The following UPF2 variants were observed in gnomAD, a reference collection of about 807,000 sequenced individuals.
UPF2 encodes the protein UPF2 regulator of nonsense mediated mRNA decay.
In UPF2, 17 loss-of-function variants were observed where a neutral mutation model predicts 141.4. The observed-to-expected ratio is 0.12, with a 90% CI of 0.08 to 0.18. UPF2 has a LOEUF of 0.18. Among genes scored for constraint, UPF2 ranks in the 10% least tolerant of loss-of-function variants. UPF2 has a pLI of 1.00. For missense variants in UPF2, 1,152 were observed against 1,515.9 expected (o/e 0.76, Z 3.99); for synonymous variants, 540 against 498.0 (o/e 1.08, Z -1.12).
In UPF2 at chr10:11,959,402, T is replaced by C. The variant is rs368607103; in HGVS notation, c.2185-46A>G. 6.8e-5 allele frequency: 103 copies of C among 1,511,000 alleles called. No homozygotes were observed. The African/African-American group carries it at 1.2e-3, about 18-fold the overall frequency. 93.6% of individuals were successfully genotyped at this position (1,511,000 alleles called of 1,614,324 possible). Reference sequence around the variant, plus strand: ...TAATCAAAACACGTTCCTTCTAAGATTCCTTTACTCCTAACTAAACTTCTA... The same window carrying C: ...TAATCAAAACACGTTCCTTCTAAGACTCCTTTACTCCTAACTAAACTTCTA... On this transcript the variant is annotated intron_variant, in intron 11 of 21. Transcript: ENST00000357604. This position sits in a 1 kb window ranked among gnomAD's most constrained non-coding sequence, Gnocchi z 5.9.
At chr10:11,976,205 T>G (rs1044949119) in intron 9 of UPF2, among the ~76,000 whole-genome samples, 3 of 152,238 alleles carry the variant, frequency 2.0e-5, no homozygotes, top group African/African-American at 7.2e-5. Flanking sequence ...CTGCTTTATT[T>G]CTCAGCTGAG....
At chr10:11,938,853 G>GTTTTTGTTTTTTTT (rs1832889893) in intron 18 of UPF2, among the ~76,000 whole-genome samples, 1 of 79,816 alleles carries the variant, frequency 1.3e-5, no homozygotes, top group African/African-American at 5.0e-5. Context: ...TTTTTTTTTT[G>GTTTTTGTTTTTTTT]TTTTTTTTTT....
intron 9 of UPF2, among the ~76,000 whole-genome samples, chr10:11,975,682 TG>T (rs1383591297): frequency 6.6e-6 from 1 of 151,376 alleles, no homozygotes; most frequent in Non-Finnish European, 1.5e-5. Flanking sequence ...CTAATTTTGT[TG>T]TTTTTTTTTT....
rs945018077 is a variant in UPF2 at position 11,959,103 on chromosome 10, T to G, written c.2370+68A>C. The G allele has an allele frequency of 1.4e-6, 2 of 1,457,120 alleles. No homozygotes were observed. Among genetic ancestry groups the G allele is most frequent in the African/African-American group, 2.8e-5 (2 of 70,260 alleles). The allele number at this position is 1,457,120 out of a possible 1,614,324, so 90.3% of individuals were successfully genotyped here. On this transcript the variant is annotated intron_variant, in intron 12 of 21. Transcript: ENST00000357604. The surrounding 1 kb of genome is among the most constrained non-coding windows in gnomAD (Gnocchi z 5.9). ...AGCTCTACCCCCACTTCTCCTAGAC[T>G]CTACATAAGCTTAGCACTACCACAA...
In UPF2 at chr10:11,931,467, T is replaced by C. The variant is rs75851416; in HGVS notation, c.3688+174A>G. On this transcript the variant is annotated intron_variant, in intron 20 of 21. Transcript: ENST00000357604. The surrounding 1 kb of genome is among the most constrained non-coding windows in gnomAD (Gnocchi z 5.9). ...CTAATTTAATTAGAGCAAAATATGG[T>C]GAAAATTATATTATTGTTATTTTAC... Among the ~76,000 whole-genome samples the C allele has an allele frequency of 0.068, 10,389 of 152,034 alleles. 582 individuals carry two copies. The highest frequency in any genetic ancestry group is 0.25 in the East Asian group (1,287 of 5,184).
At chr10:12,012,850 A>C (rs1325331876) in intron 4 of UPF2, among the ~76,000 whole-genome samples, 1 of 151,704 alleles carries the variant, frequency 6.6e-6, no homozygotes, top group Non-Finnish European at 1.5e-5. Context: ...TGAGATATTG[A>C]ATAAGAGCCT....
At chr10:11,977,374 C>G (rs181620322) in intron 9 of UPF2, among the ~76,000 whole-genome samples, 1 of 152,082 alleles carries the variant, frequency 6.6e-6, no homozygotes, top group South Asian at 2.1e-4. Context: ...TTCTCTCCTT[C>G]GAGAGCACTG....
intron 9 of UPF2, among the ~76,000 whole-genome samples, chr10:11,973,266 T>C (rs1166312571): frequency 6.6e-6 from 1 of 152,236 alleles, no homozygotes; most frequent in African/African-American, 2.4e-5. Flanking sequence ...TTAAGTTCTT[T>C]GTAGATTCTG....
At chr10:12,028,344 T>C (rs971203256) in intron 3 of UPF2, among the ~76,000 whole-genome samples, 2 of 152,110 alleles carry the variant, frequency 1.3e-5, no homozygotes, top group African/African-American at 4.8e-5. Context: ...AACAGTGACA[T>C]AAAGAACTTA....
intron 4 of UPF2, among the ~76,000 whole-genome samples, chr10:12,012,266 T>A (rs1014528807): frequency 3.2e-3 from 1 of 308 alleles, no homozygotes; most frequent in African/African-American, 3.8e-3. Context: ...TTTCACCATG[T>A]TGCGCCAAGC....
intron 4 of UPF2, among the ~76,000 whole-genome samples, chr10:12,005,767 C>T (rs979374588): frequency 4.6e-5 from 7 of 152,024 alleles, no homozygotes; most frequent in Non-Finnish European, 8.8e-5. Context: ...GATGGGGTTT[C>T]GCCATGTTGG....
intron 13 of UPF2, among the ~76,000 whole-genome samples, chr10:11,955,987 CA>C (rs1391992991): frequency 1.3e-5 from 2 of 151,902 alleles, no homozygotes; most frequent in Admixed American, 6.6e-5. Flanking sequence ...ACTAAAAATA[CA>C]AAAAAATTAG....
At chr10:12,036,694 G>A (rs569529935) in intron 1 of UPF2, among the ~76,000 whole-genome samples, 69 of 152,298 alleles carry the variant, frequency 4.5e-4, no homozygotes, top group South Asian at 6.2e-4. Flanking sequence ...GGTGTTTCAC[G>A]TTTTAACTCC....
At position 11,929,973 on chromosome 10, in the gene UPF2, G is replaced by C. The variant is rs757000529; in HGVS notation, c.3701C>G (p.Ser1234Cys). Residue 1234 changes from serine (S) to cysteine (C), a missense_variant, in exon 21 of 22, where the codon TCT becomes TGT. Around this residue, in one of 4 missense-constraint regions of UPF2, gnomAD observed 66 missense variants for 123.5 expected, o/e 0.53. Transcript: ENST00000357604. ...TGCTGGAGCTGGGCGCTGTGCAAGAGACTGCAACATTTCTGTAATTAGGAG... is the reference window on the plus strand; with the variant it reads ...TGCTGGAGCTGGGCGCTGTGCAAGACACTGCAACATTTCTGTAATTAGGAG... ...EQEDYQEMLQ[S>C]LAQRPAPANT... The C allele has an allele frequency of 4.3e-6, 7 of 1,614,092 alleles. No individual in the cohort carries two copies. Among genetic ancestry groups the C allele is most frequent in the Non-Finnish European group, 5.9e-6 (7 of 1,180,036 alleles).
chr10:11,927,298 A>C (rs779782997), intron 21 of UPF2, among the ~76,000 whole-genome samples: 30 of 152,254 alleles, frequency 2.0e-4, no homozygotes, highest in Non-Finnish European at 3.8e-4. Context: ...AAAACGTGCT[A>C]TTCAGAGACG....
chr10:11,947,786 C>CAA (rs58897556), intron 16 of UPF2, among the ~76,000 whole-genome samples: 3,734 of 64,802 alleles, frequency 0.058, 161 homozygotes, highest in East Asian at 0.16. Flanking sequence ...AACCTTGTCT[C>CAA]AAAAAAAAAA....
In UPF2 at chr10:11,978,492, G is replaced by A. The variant is rs1020597650; in HGVS notation, c.1953+565C>T. Reference sequence around the variant, plus strand: ...ACACATAGTTTGTTCATACTTCTAGGGTTAGAGAGGAAGGGAAGCCATCTG... The same window carrying A: ...ACACATAGTTTGTTCATACTTCTAGAGTTAGAGAGGAAGGGAAGCCATCTG... On this transcript the variant is annotated intron_variant, in intron 9 of 21. Coordinates refer to ENST00000357604, the MANE Select transcript of UPF2 (RefSeq NM_015542.4). 9.2e-5 allele frequency among the ~76,000 whole-genome samples: 14 copies of A among 152,228 alleles called. No homozygotes were observed. In the South Asian group the frequency reaches 2.9e-3, roughly 32 times the overall value.
In UPF2 at chr10:11,949,094, C is replaced by T. The variant is rs150394690; in HGVS notation, c.3035-586G>A. Among the ~76,000 whole-genome samples the T allele has an allele frequency of 2.9e-3, 434 of 152,274 alleles. 2 individuals carry two copies. The highest frequency in any genetic ancestry group is 4.0e-3 in the Non-Finnish European group (269 of 68,022). On this transcript the variant is annotated intron_variant, in intron 15 of 21. Transcript: ENST00000357604. The stretch of plus-strand genomic sequence containing the variant: ...TTCTCCTCCTAAGCCTAATGGAACT[C>T]CCTGGCCTGAATTTGCTTTCACCTC...
intron 4 of UPF2, among the ~76,000 whole-genome samples, chr10:12,006,029 G>A (rs555060771): frequency 6.6e-5 from 10 of 151,546 alleles, no homozygotes; most frequent in African/African-American, 2.2e-4. Flanking sequence ...ACAGGCATGC[G>A]TCATCAAGCC....
Sources: allele counts gnomAD v4.1 joint callset (sites outside exome capture counted in the v4.1 genomes callset), GRCh38; gene constraint gnomAD v4.1.1; regional missense constraint gnomAD v4.1.1; non-coding constraint Gnocchi (gnomAD v3.1); transcripts MANE v1.5; gene names NCBI Gene and HGNC (gene_info 2026-07-23, HGNC 2026-07-21).